The following PCSK1 variants were observed in gnomAD, a reference collection of about 807,000 sequenced individuals.
PCSK1 encodes proprotein convertase subtilisin/kexin type 1.
A neutral mutation model predicts 90.6 loss-of-function variants in PCSK1; 56 were observed. The observed-to-expected ratio is 0.62, with a 90% CI of 0.50 to 0.77. The LOEUF is 0.77. Ranked by LOEUF, PCSK1 falls within the 30% of genes least tolerant of loss-of-function variation. The probability of loss-of-function intolerance (pLI) is 0.00; values close to 1 mark genes in which losing one functional copy is unlikely to be tolerated. For synonymous variants in PCSK1, 348 were observed against 342.4 expected (o/e 1.02, Z -0.18); for missense variants, 801 against 932.6 (o/e 0.86, Z 1.84).
intron 9 of PCSK1, among the ~76,000 whole-genome samples, chr5:96,407,675 A>C (rs904003430): frequency 1.3e-5 from 2 of 152,260 alleles, no homozygotes; most frequent in Admixed American, 6.5e-5. Flanking sequence ...GATGACTTTA[A>C]GGAAATTTGT....
intron 9 of PCSK1, among the ~76,000 whole-genome samples, chr5:96,406,956 C>T (rs1211839584): frequency 3.9e-5 from 6 of 151,924 alleles, no homozygotes; most frequent in African/African-American, 1.5e-4. Flanking sequence ...AATTTTTTTC[C>T]TCTGTGTTAA....
intron 9 of PCSK1, 143 bp downstream of exon 9, chr5:96,408,080 C>A: frequency 1.4e-6 from 1 of 696,844 alleles, no homozygotes; most frequent in Non-Finnish European, 2.6e-6. Flanking sequence ...TGGTTAGTGA[C>A]CTCGAAGTGG....
intron 13 of PCSK1, among the ~76,000 whole-genome samples, chr5:96,394,312 G>A (rs183740861): frequency 2.0e-4 from 30 of 152,310 alleles, no homozygotes; most frequent in Admixed American, 7.8e-4. Context: ...GAATGTGAAC[G>A]ACTTATTTTA....
intron 11 of PCSK1, among the ~76,000 whole-genome samples, chr5:96,398,478 G>T (rs753034051): frequency 6.6e-6 from 1 of 152,032 alleles, no homozygotes; most frequent in Middle Eastern, 3.2e-3. Flanking sequence ...TCCTCTAATC[G>T]ATCTGAATTC....
chr5:96,419,491 A>G (rs1185143839), intron 5 of PCSK1, among the ~76,000 whole-genome samples: 2 of 150,688 alleles, frequency 1.3e-5, no homozygotes, highest in Non-Finnish European at 3.0e-5. Flanking sequence ...TCAAGGAAGT[A>G]GAGATTCTTT....
At chr5:96,431,181 C>T (rs886203096) in intron 1 of PCSK1, among the ~76,000 whole-genome samples, 1 of 152,078 alleles carries the variant, frequency 6.6e-6, no homozygotes, top group African/African-American at 2.4e-5. Context: ...CTACTCATAC[C>T]CTCTTTGGGT....
chr5:96,393,506 C>A (rs867035854), intron 13 of PCSK1, 128 bp from the exon 14 acceptor site: 14 of 1,110,110 alleles, frequency 1.3e-5, no homozygotes, highest in Non-Finnish European at 1.3e-5. Context: ...GGAGAGAGTT[C>A]AAGACTGGGA....
Position 96,425,872 on chromosome 5 carries a change from T to C in PCSK1, c.344A>G (p.Asp115Gly). ...ATCATTGAAGAGATTTAGTGCTGAG[T>C]CCCTTAGAGCTGAACGTTTACTTCT... ...KERSKRSALR[D>G]SALNLFNDPM... The change falls in exon 3 of 14, where the codon GAC (aspartate) becomes GGC (glycine). Residue 115 changes from aspartate to glycine, a missense_variant. Transcript: ENST00000311106. The C allele has an allele frequency of 6.2e-7, 1 of 1,612,742 alleles. No individual in the cohort carries two copies. The highest frequency in any genetic ancestry group is 8.5e-7 in the Non-Finnish European group (1 of 1,178,808).
intron 5 of PCSK1, among the ~76,000 whole-genome samples, chr5:96,417,009 C>A (rs528201443): frequency 4.6e-5 from 7 of 152,284 alleles, no homozygotes; most frequent in Admixed American, 1.3e-4. Context: ...ATTGTGGAAA[C>A]AACCTGTAAG....
At chr5:96,420,244 T>A (rs572362950) in intron 5 of PCSK1, among the ~76,000 whole-genome samples, 19 of 152,322 alleles carry the variant, frequency 1.2e-4, no homozygotes, top group African/African-American at 4.3e-4. Flanking sequence ...GGTAAGTGAT[T>A]TCTCCAAGGT....
intron 2 of PCSK1, 90 bp downstream of exon 2, chr5:96,429,123 C>A (rs933594756): frequency 2.5e-5 from 18 of 734,304 alleles, no homozygotes; most frequent in African/African-American, 3.6e-5. Context: ...AAAAAAACCA[C>A]ATTTGCAAAA....
At position 96,408,159 on chromosome 5, in the gene PCSK1, AGT is replaced by A. The variant is rs1488184025; in HGVS notation, c.1196+62_1196+63del. On this transcript the variant is annotated intron_variant, in intron 9 of 13. Transcript: ENST00000311106. The stretch of plus-strand genomic sequence containing the variant: ...CTGTAACCATGTATTCAGAAAAAAA[AGT>A]GTTATTAAAAATAAGGAGAATCAGC... 1.6e-5 allele frequency: 19 copies of A among 1,156,762 alleles called. No individual in the cohort carries two copies. The Admixed American group carries it at 3.5e-4, about 21-fold the overall frequency. 71.7% of individuals were successfully genotyped at this position (1,156,762 alleles called of 1,614,324 possible). A position where few individuals can be genotyped will look rare whatever the true frequency, so the allele number is the denominator to read the frequency against.
At chr5:96,394,169 T>C (rs1435601547) in intron 13 of PCSK1, among the ~76,000 whole-genome samples, 1 of 152,166 alleles carries the variant, frequency 6.6e-6, no homozygotes, top group Admixed American at 6.5e-5. Flanking sequence ...CAGGGCGTTC[T>C]GAAAATTCTG....
chr5:96,432,740 C>T (rs1761545256), intron 1 of PCSK1, 123 bp downstream of exon 1: 2 of 764,598 alleles, frequency 2.6e-6, no homozygotes, highest in Admixed American at 4.3e-5. Context: ...TGGAGCAGCT[C>T]CTTGCTCTTT....
At chr5:96,407,004 TA>T (rs1760594038) in intron 9 of PCSK1, among the ~76,000 whole-genome samples, 1 of 152,188 alleles carries the variant, frequency 6.6e-6, no homozygotes, top group African/African-American at 2.4e-5. Flanking sequence ...AAAAAAAAGT[TA>T]AATCTTTTTT....
chr5:96,402,304 G>A (rs1323193613), intron 9 of PCSK1, among the ~76,000 whole-genome samples: 1 of 152,228 alleles, frequency 6.6e-6, no homozygotes, highest in African/African-American at 2.4e-5. Flanking sequence ...CAGACACAGT[G>A]TGCAGTTTGT....
rs1360524341 is a variant in PCSK1, at chr5:96,392,227, G to A, written c.*774C>T. 2 of 150,730 alleles carry A rather than the reference G, an allele frequency of 1.3e-5. No individual in the cohort carries two copies. The highest frequency in any genetic ancestry group is 4.9e-5 in the African/African-American group (2 of 40,762). The allele number at this position is 150,730 out of a possible 1,614,324, so 9.3% of individuals were successfully genotyped here. On this transcript the variant is annotated 3_prime_UTR_variant, in exon 14 of 14. Coordinates refer to ENST00000311106, the MANE Select transcript of PCSK1 (RefSeq NM_000439.5). ...TATCATTTCTCCCAACATTTATTTT[G>A]TGGCTGAGAAAGGAGACAGGTATAG...
At chr5:96,432,076 T>C in intron 1 of PCSK1, 1 of 1,528,472 alleles carries the variant, frequency 6.5e-7, no homozygotes. Flanking sequence ...GGAAAACGAT[T>C]ACGTACTTGG....
At chr5:96,427,792 A>T (rs1432885778) in intron 2 of PCSK1, among the ~76,000 whole-genome samples, 1 of 152,174 alleles carries the variant, frequency 6.6e-6, no homozygotes, top group African/African-American at 2.4e-5. Flanking sequence ...CATTTAGGCA[A>T]AGAAGGAAAT....
Sources: gnomAD v4.1 joint callset for allele counts (sites outside exome capture counted in the v4.1 genomes callset) on GRCh38, gnomAD v4.1.1 for gene constraint, MANE v1.5 for transcripts, NCBI Gene and HGNC (gene_info 2026-07-23, HGNC 2026-07-21) for gene names.